TRMT11: variants seen among roughly 807,000 people sequenced by gnomAD.
TRMT11 encodes the protein tRNA (guanine(10)-N(2))-methyltransferase TRMT11.
In TRMT11, 53 loss-of-function variants were observed where a neutral mutation model predicts 62.8. That is an observed-to-expected ratio of 0.84 (90% confidence interval 0.68 to 1.06). The LOEUF is 1.06. Among genes scored for constraint, TRMT11 ranks in the 50% least tolerant of loss-of-function variants. TRMT11 has a pLI of 0.00. For missense variants in TRMT11, 556 were observed against 553.4 expected, an observed-to-expected ratio of 1.00 and a Z score of -0.05; for synonymous variants, 188 against 190.3, an observed-to-expected ratio of 0.99 and a Z score of 0.10.
chr6:126,242,340 G>C, the TRMT11 span, among the ~76,000 whole-genome samples: 1 of 152,130 alleles, frequency 6.6e-6, no homozygotes, highest in South Asian at 2.1e-4. Context: ...AATCAATATC[G>C]TGAAAATGGC....
chr6:126,270,892 A>G, the TRMT11 span, among the ~76,000 whole-genome samples: 9 of 152,206 alleles, frequency 5.9e-5, no homozygotes, highest in Non-Finnish European at 1.2e-4. Context: ...TGGAAAGCAC[A>G]TCATGTGTTC....
chr6:126,232,035 A>G, the TRMT11 span, among the ~76,000 whole-genome samples: 1 of 152,178 alleles, frequency 6.6e-6, no homozygotes, highest in African/African-American at 2.4e-5. Flanking sequence ...AGAAAAAAGT[A>G]TATAATCATA....
chr6:126,226,411 T>A, the TRMT11 span, among the ~76,000 whole-genome samples: 1 of 152,206 alleles, frequency 6.6e-6, no homozygotes, highest in Non-Finnish European at 1.5e-5. Context: ...ACTTATTCAA[T>A]GAATATTTTG....
In TRMT11 at chr6:126,076,268, A is replaced by G. The variant is rs891647281; in HGVS notation, c.*1437+23078A>G. 6.6e-5 allele frequency among the ~76,000 whole-genome samples: 10 copies of G among 152,306 alleles called. No individual in the cohort carries two copies. In the East Asian group the frequency reaches 1.2e-3, roughly 18 times the overall value. ...GGCTTGACTGTTCCCTGGGCTGGGC[A>G]TGTGCCCTATACCTGACCAACCAGA... is the stretch of plus-strand genomic sequence containing the variant. On this transcript the variant is annotated intron_variant and NMD_transcript_variant, in intron 17 of 22. Coordinates refer to the TRMT11 transcript ENST00000648977.
chr6:126,132,513 A>G (rs1388558495), intron 21 of TRMT11, among the ~76,000 whole-genome samples: 1 of 152,038 alleles, frequency 6.6e-6, no homozygotes, highest in Non-Finnish European at 1.5e-5. Flanking sequence ...GCCTAGTCCT[A>G]TATCTATCTC....
the TRMT11 span, among the ~76,000 whole-genome samples, chr6:126,257,002 C>A: frequency 6.6e-6 from 1 of 152,076 alleles, no homozygotes; most frequent in Non-Finnish European, 1.5e-5. Flanking sequence ...TCGTCTTCCC[C>A]AGTCTCCCAA....
chr6:126,122,354 C>T (rs1223906904), intron 21 of TRMT11, among the ~76,000 whole-genome samples: 1 of 152,050 alleles, frequency 6.6e-6, no homozygotes, highest in African/African-American at 2.4e-5. Flanking sequence ...CTTCTCTTGC[C>T]CTCCTATCTC....
the TRMT11 span, among the ~76,000 whole-genome samples, chr6:126,216,819 C>A: frequency 6.6e-6 from 1 of 152,040 alleles, no homozygotes. Context: ...TTATCCCTCT[C>A]AATAAACTTT....
chr6:126,220,813 G>A, the TRMT11 span, among the ~76,000 whole-genome samples: 4 of 151,868 alleles, frequency 2.6e-5, no homozygotes, highest in African/African-American at 9.7e-5. Context: ...TGTTATATGG[G>A]TAAATTGCAT....
chr6:126,084,566 T>C (rs775180259), intron 17 of TRMT11, among the ~76,000 whole-genome samples: 51 of 152,182 alleles, frequency 3.4e-4, no homozygotes, highest in Non-Finnish European at 2.9e-4. Context: ...CTGTTTGGTT[T>C]GATGTAGTCT....
At chr6:126,239,952 T>G in the TRMT11 span, among the ~76,000 whole-genome samples, 1 of 152,344 alleles carries the variant, frequency 6.6e-6, no homozygotes, top group South Asian at 2.1e-4. Flanking sequence ...CTTCATTTCA[T>G]TCATTTGATC....
intron 17 of TRMT11, among the ~76,000 whole-genome samples, chr6:126,055,310 G>A (rs1000409755): frequency 2.0e-5 from 3 of 152,124 alleles, no homozygotes; most frequent in Admixed American, 6.5e-5. Context: ...TGAGAGGAAG[G>A]ACAGCATGGA....
chr6:126,175,543 A>G (rs2128238463), upstream of TRMT11, among the ~76,000 whole-genome samples: 1 of 152,308 alleles, frequency 6.6e-6, no homozygotes, highest in South Asian at 2.1e-4. Context: ...TCAACTTGAA[A>G]ACTTTGGATA....
At chr6:125,987,519 A>T (rs1477697795) in intron 1 of TRMT11, among the ~76,000 whole-genome samples, 1 of 152,240 alleles carries the variant, frequency 6.6e-6, no homozygotes, top group Non-Finnish European at 1.5e-5. Flanking sequence ...TAAGTAAAAA[A>T]GTGACCACAA....
At chr6:126,248,123 G>A in the TRMT11 span, among the ~76,000 whole-genome samples, 1 of 152,014 alleles carries the variant, frequency 6.6e-6, no homozygotes, top group Non-Finnish European at 1.5e-5. Flanking sequence ...AAGAGTTCAG[G>A]TAAAATAAGG....
intron 21 of TRMT11, among the ~76,000 whole-genome samples, chr6:126,165,677 G>A (rs961601460): frequency 6.6e-6 from 1 of 152,210 alleles, no homozygotes; most frequent in Non-Finnish European, 1.5e-5. Context: ...GCTTCCCTTT[G>A]TGGGTAACCC....
chr6:126,085,697 C>T (rs77295190), intron 17 of TRMT11, among the ~76,000 whole-genome samples: 17 of 152,160 alleles, frequency 1.1e-4, no homozygotes, highest in Non-Finnish European at 2.1e-4. Context: ...TTTCTAGACT[C>T]AGAGGTTAAA....
chr6:126,207,336 A>G (rs937272555), downstream of TRMT11, among the ~76,000 whole-genome samples: 1 of 152,176 alleles, frequency 6.6e-6, no homozygotes. Context: ...AGGCAACAAG[A>G]TGATATTGAT....
intron 21 of TRMT11, among the ~76,000 whole-genome samples, chr6:126,119,601 G>A (rs1777628297): frequency 6.6e-6 from 1 of 152,052 alleles, no homozygotes; most frequent in Admixed American, 6.6e-5. Context: ...GGACCGGTGT[G>A]AGTCAGGTTC....
Sources: gnomAD v4.1 joint callset for allele counts (sites outside exome capture counted in the v4.1 genomes callset) on GRCh38, gnomAD v4.1.1 for gene constraint, MANE v1.5 for transcripts, NCBI Gene and HGNC (gene_info 2026-07-23, HGNC 2026-07-21) for gene names.